Variants in ITFG1 observed in about 807,000 individuals in gnomAD.
ITFG1 encodes the protein integrin alpha FG-GAP repeat containing 1.
Under a neutral mutation model 81.8 loss-of-function variants are expected in ITFG1, and 34 were observed. That is an observed-to-expected ratio of 0.42 (90% CI 0.32 to 0.55). The LOEUF is 0.55. ITFG1 is among the 20% of genes least tolerant of loss of function. The pLI is 0.17. For synonymous variants in ITFG1, 285 were observed against 270.6 expected, an observed-to-expected ratio of 1.05 and a Z score of -0.52; for missense variants, 672 against 755.4, an observed-to-expected ratio of 0.89 and a Z score of 1.29.
rs541733735 is a variant in ITFG1 at position 47,409,459 on chromosome 16, A to T, written c.655+19345T>A. Among the ~76,000 whole-genome samples the T allele has an allele frequency of 8.6e-3, 909 of 105,724 alleles. 16 individuals carry two copies. The highest frequency in any genetic ancestry group is 0.032 in the African/African-American group (884 of 27,214). The allele number at this position is 105,724 out of a possible 152,430, so 69.4% of individuals were successfully genotyped here. On this transcript the variant is annotated intron_variant, in intron 6 of 17. Transcript: ENST00000320640. Reference sequence around the variant, plus strand: ...GAGACAGAGTCTCACTCTGTCCCCCAGGCTGGCGTGCAGTGGCACGATCTC... The same window carrying T: ...GAGACAGAGTCTCACTCTGTCCCCCTGGCTGGCGTGCAGTGGCACGATCTC...
At chr16:47,297,620 T>C (rs1051239958) in intron 10 of ITFG1, among the ~76,000 whole-genome samples, 1 of 151,954 alleles carries the variant, frequency 6.6e-6, no homozygotes, top group African/African-American at 2.4e-5. Flanking sequence ...AAATTCCTGA[T>C]TGACAGTTTG....
At chr16:47,222,927 G>A (rs905507046) in intron 13 of ITFG1, among the ~76,000 whole-genome samples, 1 of 152,092 alleles carries the variant, frequency 6.6e-6, no homozygotes, top group Non-Finnish European at 1.5e-5. Flanking sequence ...AGGAAATAAC[G>A]CCGTATATCT....
At chr16:47,164,409 A>G (rs750077158) in intron 14 of ITFG1, among the ~76,000 whole-genome samples, 1 of 152,160 alleles carries the variant, frequency 6.6e-6, no homozygotes, top group Non-Finnish European at 1.5e-5. Context: ...TTGTGTGTGA[A>G]GGCATGCCTT....
At chr16:47,231,017 G>A (rs1443576220) in intron 13 of ITFG1, among the ~76,000 whole-genome samples, 6 of 152,168 alleles carry the variant, frequency 3.9e-5, no homozygotes, top group Non-Finnish European at 7.3e-5. Flanking sequence ...CAAAGTGTTG[G>A]GATTACAGGC....
rs75256037 is a variant in ITFG1 at position 47,273,561 on chromosome 16, A to G, written c.1071-12866T>C. Among the ~76,000 whole-genome samples, 4 of 152,292 alleles carry G rather than the reference A, an allele frequency of 2.6e-5. No individual in the cohort carries two copies. The East Asian group carries it at 7.7e-4, about 29-fold the overall frequency. On this transcript the variant is annotated intron_variant, in intron 10 of 17. Transcript: ENST00000320640. The stretch of plus-strand genomic sequence containing the variant: ...CTTTATCTCTGGGCAAATGCAATCC[A>G]TTTATCCCCAGTCAGTGTCTAGGAT...
intron 6 of ITFG1, among the ~76,000 whole-genome samples, chr16:47,378,208 ACTACATT>A (rs1274990761): frequency 1.3e-5 from 2 of 152,248 alleles, no homozygotes; most frequent in African/African-American, 4.8e-5. Flanking sequence ...CAAGCATGCT[ACTACATT>A]ACAGGTGAAT....
intron 10 of ITFG1, among the ~76,000 whole-genome samples, chr16:47,287,359 G>T (rs1248913081): frequency 1.3e-5 from 2 of 152,066 alleles, no homozygotes; most frequent in Non-Finnish European, 2.9e-5. Flanking sequence ...GATTACAAGC[G>T]TGAGCCACCA....
intron 10 of ITFG1, among the ~76,000 whole-genome samples, chr16:47,277,979 A>C (rs1472380528): frequency 6.6e-6 from 1 of 152,204 alleles, no homozygotes; most frequent in Non-Finnish European, 1.5e-5. Context: ...CCTTTAAAGT[A>C]TATCACAAAA....
At chr16:47,402,750 T>C (rs1183917875) in intron 6 of ITFG1, among the ~76,000 whole-genome samples, 1 of 152,256 alleles carries the variant, frequency 6.6e-6, no homozygotes, top group Non-Finnish European at 1.5e-5. Context: ...CTATGTTTTT[T>C]AATTCTAAAA....
intron 8 of ITFG1, among the ~76,000 whole-genome samples, chr16:47,340,356 C>G (rs541429971): frequency 6.6e-6 from 1 of 151,962 alleles, no homozygotes; most frequent in Non-Finnish European, 1.5e-5. Context: ...GTATTGAGCA[C>G]AAATTATATA....
intron 14 of ITFG1, among the ~76,000 whole-genome samples, chr16:47,174,191 A>G (rs752779960): frequency 2.6e-5 from 4 of 152,244 alleles, no homozygotes; most frequent in Non-Finnish European, 5.9e-5. Context: ...TTAATTAACA[A>G]TGCAGTATAG....
At chr16:47,223,657 C>A (rs1034788220) in intron 13 of ITFG1, among the ~76,000 whole-genome samples, 8 of 152,084 alleles carry the variant, frequency 5.3e-5, no homozygotes, top group African/African-American at 1.7e-4. Flanking sequence ...GTCAGTGTGG[C>A]GATTCCTCAG....
At chr16:47,445,982 G>A (rs1215604427) in intron 5 of ITFG1, among the ~76,000 whole-genome samples, 1 of 152,032 alleles carries the variant, frequency 6.6e-6, no homozygotes. Context: ...GTATTTGTGA[G>A]CCTGTGGTAG....
intron 14 of ITFG1, among the ~76,000 whole-genome samples, chr16:47,216,620 C>T (rs1316849112): frequency 6.6e-6 from 1 of 151,822 alleles, no homozygotes; most frequent in Non-Finnish European, 1.5e-5. Flanking sequence ...TTTTTATTAA[C>T]TTTTCTTCTA....
At chr16:47,271,080 T>C (rs1966333943) in intron 10 of ITFG1, among the ~76,000 whole-genome samples, 1 of 152,160 alleles carries the variant, frequency 6.6e-6, no homozygotes, top group African/African-American at 2.4e-5. Flanking sequence ...CTATTAAAAA[T>C]ACATGAAACT....
chr16:47,197,736 G>A (rs1419057982), intron 14 of ITFG1, among the ~76,000 whole-genome samples: 1 of 152,228 alleles, frequency 6.6e-6, no homozygotes, highest in Non-Finnish European at 1.5e-5. Context: ...CAGGAAGGCT[G>A]AGGGCTTGGA....
chr16:47,289,501 A>G lies in ITFG1; in HGVS notation c.1070+21739T>C, dbSNP rs746756343. Among the ~76,000 whole-genome samples the G allele has an allele frequency of 6.6e-5, 10 of 152,098 alleles. No homozygotes were observed. The South Asian group carries it at 1.9e-3, about 28-fold the overall frequency. The stretch of plus-strand genomic sequence containing the variant: ...CCTGGGCTTTTCTTTAATGGGGGAC[A>G]TTTTATTCAGGATTAAATCTCATTA... On this transcript the variant is annotated intron_variant, in intron 10 of 17. Transcript: ENST00000320640.
intron 8 of ITFG1, among the ~76,000 whole-genome samples, chr16:47,325,826 TAATA>T (rs1461595954): frequency 6.6e-6 from 1 of 152,126 alleles, no homozygotes; most frequent in Non-Finnish European, 1.5e-5. Flanking sequence ...ACTGAGGCAA[TAATA>T]AATAGCTTAC....
At chr16:47,323,775 A>G (rs1967485596) in intron 8 of ITFG1, among the ~76,000 whole-genome samples, 1 of 152,162 alleles carries the variant, frequency 6.6e-6, no homozygotes, top group African/African-American at 2.4e-5. Context: ...ATTGGGTCTC[A>G]GTATACCCAA....
Sources: gnomAD v4.1 joint callset for allele counts (sites outside exome capture counted in the v4.1 genomes callset) on GRCh38, gnomAD v4.1.1 for gene constraint, MANE v1.5 for transcripts, NCBI Gene and HGNC (gene_info 2026-07-23, HGNC 2026-07-21) for gene names.